Variants in ANKRD10 observed in about 807,000 individuals in gnomAD.
The protein encoded by ANKRD10 is ankyrin repeat domain 10, also known as ankyrin repeat domain-containing protein 10.
Under a neutral mutation model 27.0 loss-of-function variants are expected in ANKRD10, and 14 were observed. That is an observed-to-expected ratio of 0.52 (90% CI 0.34 to 0.81). The LOEUF (loss-of-function observed/expected upper bound fraction) is 0.81. ANKRD10 is among the 40% of genes least tolerant of loss of function. The pLI, the probability that ANKRD10 is intolerant of heterozygous loss-of-function variation, is 0.01. For missense variants in ANKRD10, 493 were observed against 544.0 expected (o/e 0.91, Z 0.93); for synonymous variants, 250 against 224.5 (o/e 1.11, Z -1.01).
At chr13:110,894,911 T>C (rs1387432509) in intron 3 of ANKRD10, 1 of 152,206 alleles carries the variant, frequency 6.6e-6, no homozygotes, top group Admixed American at 6.5e-5. Context: ...ACCTTGTTAT[T>C]GAAATAGAAA....
intron 3 of ANKRD10, among the ~76,000 whole-genome samples, chr13:110,905,485 C>CT (rs2065505671): frequency 6.6e-6 from 1 of 152,152 alleles, no homozygotes; most frequent in African/African-American, 2.4e-5. Flanking sequence ...AGCTTGAGGT[C>CT]TTTAATGTAA....
chr13:110,913,797 G>A (rs576849030), intron 1 of ANKRD10, among the ~76,000 whole-genome samples: 1 of 152,278 alleles, frequency 6.6e-6, no homozygotes, highest in South Asian at 2.1e-4. Context: ...AGTGAATTAA[G>A]AAATATTAAT....
At chr13:110,889,987 T>G (rs2065032829) in intron 4 of ANKRD10, among the ~76,000 whole-genome samples, 1 of 152,200 alleles carries the variant, frequency 6.6e-6, no homozygotes, top group African/African-American at 2.4e-5. Context: ...CTAAATATTT[T>G]TATATGTGAA....
At chr13:110,887,092 T>C (rs998127536) in intron 4 of ANKRD10, among the ~76,000 whole-genome samples, 5 of 152,146 alleles carry the variant, frequency 3.3e-5, no homozygotes, top group African/African-American at 9.7e-5. Context: ...CTAGAGCCAG[T>C]AGAGCACGCC....
chr13:110,892,628 G>C, intron 4 of ANKRD10: 1 of 679,648 alleles, frequency 1.5e-6, no homozygotes. Context: ...TTTACTGCCA[G>C]ACCATCAGCA....
rs766404124 is a variant in ANKRD10 at position 110,910,742 on chromosome 13, G to A, written c.239C>T (p.Ala80Val). ...GGTGGAGACGTTGAGTGTGGCTCCC[G>A]CTCTCACCAACTGCACTAAGCACTC... is the stretch of plus-strand genomic sequence containing the variant. Reference protein sequence around the residue: ...KLECLVQLVRAGATLNVSTTR... With the variant: ...KLECLVQLVRVGATLNVSTTR... Residue 80 changes from alanine to valine, a missense_variant, in exon 2 of 6, where the codon GCG becomes GTG. Ala to Val is a moderately conservative substitution (Grantham distance 64). Coordinates refer to ENST00000267339, the MANE Select transcript of ANKRD10 (RefSeq NM_017664.4). 4 of 1,614,032 alleles carry A rather than the reference G, an allele frequency of 2.5e-6. No homozygotes were observed. The highest frequency in any genetic ancestry group is 3.4e-6 in the Non-Finnish European group (4 of 1,179,998).
intron 3 of ANKRD10, 40 bp downstream of exon 3, chr13:110,905,993 C>T (rs1277509146): frequency 1.3e-6 from 2 of 1,530,270 alleles, no homozygotes; most frequent in African/African-American, 1.4e-5. Flanking sequence ...ACATCCTCAA[C>T]TACATCTTTA....
intron 3 of ANKRD10, among the ~76,000 whole-genome samples, chr13:110,904,599 T>C (rs1477266169): frequency 6.6e-6 from 1 of 152,232 alleles, no homozygotes; most frequent in Non-Finnish European, 1.5e-5. Flanking sequence ...TATTTTATAA[T>C]GAAAGTTTGT....
At chr13:110,909,995 A>G (rs1407796243) in intron 2 of ANKRD10, among the ~76,000 whole-genome samples, 2 of 152,220 alleles carry the variant, frequency 1.3e-5, no homozygotes, top group Non-Finnish European at 2.9e-5. Flanking sequence ...CAGACAACCT[A>G]ATGGTTATTA....
intron 4 of ANKRD10, 135 bp downstream of exon 4, chr13:110,892,893 T>C (rs563921817): frequency 2.3e-5 from 34 of 1,453,758 alleles, no homozygotes; most frequent in Non-Finnish European, 3.0e-5. Context: ...ATCTCCACCG[T>C]CACCGCACAA....
chr13:110,892,432 AAAAAT>A (rs1299109934), intron 4 of ANKRD10, among the ~76,000 whole-genome samples: 3 of 147,912 alleles, frequency 2.0e-5, no homozygotes, highest in Non-Finnish European at 4.5e-5. Context: ...AAAAAAAAAA[AAAAAT>A]GGTGGGAGAA....
At position 110,892,944 on chromosome 13, in the gene ANKRD10, C is replaced by A. The variant is rs114227046; in HGVS notation, c.691+84G>T. 5 of 1,543,320 alleles carry A rather than the reference C, an allele frequency of 3.2e-6. No individual in the cohort carries two copies. In the Admixed American group the frequency reaches 7.7e-5, roughly 24 times the overall value. ...ACCACCTGAAGTGAAGGTCTCATCT[C>A]GAAGGTGCGCTCAGCCATAAAAAGA... On this transcript the variant is annotated intron_variant, in intron 4 of 5. Transcript: ENST00000267339.
chr13:110,899,646 TACG>T (rs1566476399), intron 3 of ANKRD10, among the ~76,000 whole-genome samples: 6 of 152,222 alleles, frequency 3.9e-5, no homozygotes, highest in African/African-American at 1.4e-4. Context: ...CTGTGGAAAC[TACG>T]ATGACTGTGC....
chr13:110,892,930 T>G (rs532340099), intron 4 of ANKRD10, 98 bp downstream of exon 4: 2 of 1,511,260 alleles, frequency 1.3e-6, no homozygotes, highest in Non-Finnish European at 1.8e-6. Context: ...CCACCTGAAG[T>G]GAAGGTCTCA....
chr13:110,892,698 C>T, intron 4 of ANKRD10: 1 of 995,768 alleles, frequency 1.0e-6, no homozygotes, highest in Non-Finnish European at 1.2e-6. Flanking sequence ...AAAATTCAGG[C>T]ACAGTGGCAG....
chr13:110,891,875 T>C (rs1181623615), intron 4 of ANKRD10, among the ~76,000 whole-genome samples: 1 of 140,614 alleles, frequency 7.1e-6, no homozygotes, highest in Non-Finnish European at 1.6e-5. Flanking sequence ...TTAAGACTTT[T>C]TTTTTTTTTT....
intron 4 of ANKRD10, among the ~76,000 whole-genome samples, chr13:110,886,288 T>C (rs551209243): frequency 6.6e-6 from 1 of 152,376 alleles, no homozygotes; most frequent in African/African-American, 2.4e-5. Flanking sequence ...AACTGCTCCA[T>C]TGAGTAGATG....
chr13:110,899,500 A>G (rs1265178316), intron 3 of ANKRD10, among the ~76,000 whole-genome samples: 2 of 152,226 alleles, frequency 1.3e-5, no homozygotes, highest in African/African-American at 4.8e-5. Flanking sequence ...AAATGGGAAG[A>G]GATTTTTAAA....
intron 4 of ANKRD10, among the ~76,000 whole-genome samples, chr13:110,892,415 G>GAAAAAAAAAAAAA (rs1381734881): frequency 1.2e-3 from 3 of 2,586 alleles, no homozygotes; most frequent in Non-Finnish European, 5.7e-4. Flanking sequence ...GGGTGACAGA[G>GAAAAAAAAAAAAA]CAAAAAAAAA....
Sources: allele counts gnomAD v4.1 joint callset (sites outside exome capture counted in the v4.1 genomes callset), GRCh38; gene constraint gnomAD v4.1.1; transcripts MANE v1.5; gene names NCBI Gene and HGNC (gene_info 2026-07-23, HGNC 2026-07-21).